The following CNTN4 variants were observed in gnomAD, a reference collection of about 807,000 sequenced individuals.
CNTN4 encodes the protein contactin-4.
In CNTN4, 77 loss-of-function variants were observed where a neutral mutation model predicts 122.5. The ratio of observed to expected loss-of-function variants is 0.63; its 90% CI spans 0.52 to 0.76. The LOEUF is 0.76. CNTN4 is among the 30% of genes least tolerant of loss of function. The pLI is 0.00. For missense variants in CNTN4, 1,256 were observed against 1,259.1 expected (o/e 1.00, Z 0.04); for synonymous variants, 512 against 447.0 (o/e 1.15, Z -1.83).
chr3:2,923,057 G>C (rs2094443606), intron 12 of CNTN4, among the ~76,000 whole-genome samples: 1 of 152,190 alleles, frequency 6.6e-6, no homozygotes, highest in Non-Finnish European at 1.5e-5. Context: ...CTGTGTGTCT[G>C]ATATGCTATT....
chr3:2,931,639 A>C (rs1416671479), intron 13 of CNTN4, among the ~76,000 whole-genome samples: 1 of 151,908 alleles, frequency 6.6e-6, no homozygotes, highest in Non-Finnish European at 1.5e-5. Flanking sequence ...TTTATTTATT[A>C]TTTTTTAGAG....
intron 3 of CNTN4, among the ~76,000 whole-genome samples, chr3:2,435,996 A>G (rs1319421740): frequency 6.6e-6 from 1 of 152,180 alleles, no homozygotes; most frequent in Admixed American, 6.5e-5. Context: ...TTATATCTCT[A>G]TTAGAGGCAA....
intron 3 of CNTN4, among the ~76,000 whole-genome samples, chr3:2,379,821 G>A (rs1377605256): frequency 6.6e-6 from 1 of 152,090 alleles, no homozygotes; most frequent in Non-Finnish European, 1.5e-5. Flanking sequence ...TTTGGAGGCC[G>A]AGGTGGGCGG....
intron 7 of CNTN4, among the ~76,000 whole-genome samples, chr3:2,849,662 A>T (rs1173082784): frequency 6.6e-6 from 1 of 152,214 alleles, no homozygotes; most frequent in Non-Finnish European, 1.5e-5. Context: ...ATCAAGGGAT[A>T]CAATAAGGTT....
intron 4 of CNTN4, among the ~76,000 whole-genome samples, chr3:2,671,577 T>G (rs1488793849): frequency 6.6e-6 from 1 of 152,128 alleles, no homozygotes; most frequent in Admixed American, 6.5e-5. Flanking sequence ...TCTGAAGCCT[T>G]CTTCTCTCAA....
chr3:2,115,839 C>G (rs4295152), intron 2 of CNTN4, among the ~76,000 whole-genome samples: 4,443 of 152,232 alleles, frequency 0.029, 247 homozygotes, highest in Admixed American at 0.16. Context: ...CTAAAAAGTC[C>G]TTTCTTGTTC....
At chr3:2,649,240 A>T (rs1391437690) in intron 4 of CNTN4, among the ~76,000 whole-genome samples, 1 of 152,254 alleles carries the variant, frequency 6.6e-6, no homozygotes, top group Non-Finnish European at 1.5e-5. Flanking sequence ...AACAGATTTT[A>T]AATGTAGATA....
At chr3:2,456,468 T>C (rs1419852578) in intron 3 of CNTN4, among the ~76,000 whole-genome samples, 1 of 152,152 alleles carries the variant, frequency 6.6e-6, no homozygotes, top group Non-Finnish European at 1.5e-5. Context: ...TAAAATATTT[T>C]CATCACCTTC....
chr3:2,307,107 TA>T (rs2042737518), intron 2 of CNTN4, among the ~76,000 whole-genome samples: 1 of 152,146 alleles, frequency 6.6e-6, no homozygotes, highest in Non-Finnish European at 1.5e-5. Flanking sequence ...TTATTTTTCC[TA>T]ATTGTCCTAG....
chr3:2,743,448 C>T (rs1350180478), intron 5 of CNTN4, among the ~76,000 whole-genome samples: 2 of 152,170 alleles, frequency 1.3e-5, no homozygotes, highest in East Asian at 1.9e-4. Flanking sequence ...TATATACAAA[C>T]ACATAAAGAG....
chr3:2,742,708 C>G (rs2089526538), intron 5 of CNTN4, among the ~76,000 whole-genome samples: 1 of 152,170 alleles, frequency 6.6e-6, no homozygotes, highest in Admixed American at 6.5e-5. Context: ...TTATGAGACT[C>G]ACAAATTTCT....
At chr3:2,366,016 G>A (rs910133905) in intron 3 of CNTN4, among the ~76,000 whole-genome samples, 1 of 152,028 alleles carries the variant, frequency 6.6e-6, no homozygotes, top group Admixed American at 6.6e-5. Context: ...ATCCTTTGGG[G>A]GTGAGGAAGT....
At chr3:2,938,330 C>T (rs1439472546) in intron 13 of CNTN4, among the ~76,000 whole-genome samples, 2 of 151,738 alleles carry the variant, frequency 1.3e-5, no homozygotes, top group African/African-American at 2.4e-5. Context: ...TAACACCCAG[C>T]GCTTGTTTTT....
At chr3:2,784,097 T>G (rs2149892627) in intron 6 of CNTN4, among the ~76,000 whole-genome samples, 1 of 152,336 alleles carries the variant, frequency 6.6e-6, no homozygotes, top group East Asian at 1.9e-4. Context: ...CTGAAATTTC[T>G]ACATATAGAC....
intron 4 of CNTN4, among the ~76,000 whole-genome samples, chr3:2,671,844 G>A (rs975784729): frequency 6.6e-6 from 1 of 152,194 alleles, no homozygotes; most frequent in Non-Finnish European, 1.5e-5. Context: ...CAGGTCTGTT[G>A]GAGTTTGCCG....
intron 4 of CNTN4, among the ~76,000 whole-genome samples, chr3:2,632,529 A>C (rs2082489363): frequency 6.6e-6 from 1 of 152,184 alleles, no homozygotes; most frequent in South Asian, 2.1e-4. Flanking sequence ...AAAGAGTTGC[A>C]CATTTATGTC....
intron 6 of CNTN4, among the ~76,000 whole-genome samples, chr3:2,815,327 C>T (rs1433878537): frequency 2.6e-5 from 4 of 152,098 alleles, no homozygotes; most frequent in African/African-American, 4.8e-5. Context: ...AGAAACTCTT[C>T]GTCATCTATA....
chr3:2,938,320 T>C (rs1195084700), intron 13 of CNTN4, among the ~76,000 whole-genome samples: 2 of 152,102 alleles, frequency 1.3e-5, no homozygotes, highest in East Asian at 3.9e-4. Flanking sequence ...ATAATAATAG[T>C]AACACCCAGC....
intron 6 of CNTN4, among the ~76,000 whole-genome samples, chr3:2,748,605 C>A (rs2089924325): frequency 6.6e-6 from 1 of 152,136 alleles, no homozygotes; most frequent in Non-Finnish European, 1.5e-5. Context: ...CTTGTTCAAC[C>A]AGCTACAAAT....
Sources: allele counts gnomAD v4.1 joint callset (sites outside exome capture counted in the v4.1 genomes callset), GRCh38; gene constraint gnomAD v4.1.1; transcripts MANE v1.5; gene names NCBI Gene and HGNC (gene_info 2026-07-23, HGNC 2026-07-21).